The following ZNRF2 variants were observed in gnomAD, a reference collection of about 807,000 sequenced individuals.
ZNRF2 encodes the protein E3 ubiquitin-protein ligase ZNRF2.
A neutral mutation model predicts 20.4 loss-of-function variants in ZNRF2; 16 were observed. The observed-to-expected ratio is 0.79, with a 90% confidence interval of 0.53 to 1.19. ZNRF2 has a LOEUF of 1.19. ZNRF2 is among the 50% of genes most tolerant of loss of function. The pLI is 0.00. For missense variants in ZNRF2, 363 were observed against 332.4 expected, an observed-to-expected ratio of 1.09 and a Z score of -0.72; for synonymous variants, 178 against 144.9, an observed-to-expected ratio of 1.23 and a Z score of -1.64.
chr7:30,330,957 A>G (rs1430027477), intron 2 of ZNRF2, among the ~76,000 whole-genome samples: 1 of 152,144 alleles, frequency 6.6e-6, no homozygotes, highest in Non-Finnish European at 1.5e-5. Flanking sequence ...GTGGATCCCT[A>G]ATTGTAGTCT....
intron 3 of ZNRF2, 129 bp from the exon 4 acceptor site, chr7:30,362,248 C>CA: frequency 1.9e-6 from 1 of 539,884 alleles, no homozygotes; most frequent in South Asian, 4.6e-5. Context: ...TTATGTATGC[C>CA]AAATATAATT....
At chr7:30,302,104 C>T (rs1219862227) in intron 1 of ZNRF2, among the ~76,000 whole-genome samples, 1 of 152,206 alleles carries the variant, frequency 6.6e-6, no homozygotes, top group African/African-American at 2.4e-5. Flanking sequence ...CTTTGACATT[C>T]CTGCTTTTGC....
chr7:30,339,103 T>G (rs1218795620), intron 2 of ZNRF2, among the ~76,000 whole-genome samples: 3 of 152,106 alleles, frequency 2.0e-5, no homozygotes, highest in African/African-American at 7.2e-5. Context: ...TCCTTTGCCC[T>G]CTTTTTGATG....
intron 1 of ZNRF2, among the ~76,000 whole-genome samples, chr7:30,291,014 CACTT>C (rs773492572): frequency 1.1e-4 from 16 of 152,146 alleles, no homozygotes; most frequent in Non-Finnish European, 1.8e-4. Flanking sequence ...GTTAACAAAA[CACTT>C]AGTGAAGTAT....
At chr7:30,345,720 T>C (rs759348909) in intron 2 of ZNRF2, among the ~76,000 whole-genome samples, 1 of 152,274 alleles carries the variant, frequency 6.6e-6, no homozygotes, top group Non-Finnish European at 1.5e-5. Context: ...TGAGGGATTG[T>C]CTCTGAGTTC....
intron 2 of ZNRF2, among the ~76,000 whole-genome samples, chr7:30,341,536 G>C (rs940718120): frequency 4.6e-5 from 7 of 152,150 alleles, no homozygotes; most frequent in African/African-American, 2.4e-5. Flanking sequence ...TTTCCATGTA[G>C]TTGTGCTTAA....
At chr7:30,294,980 A>AGAGG (rs1335570802) in intron 1 of ZNRF2, among the ~76,000 whole-genome samples, 1 of 148,602 alleles carries the variant, frequency 6.7e-6, no homozygotes, top group African/African-American at 2.5e-5. Flanking sequence ...ATTTAGAGAG[A>AGAGG]GAGGGAGGGG....
intron 2 of ZNRF2, among the ~76,000 whole-genome samples, chr7:30,328,560 T>C (rs1799587405): frequency 6.6e-6 from 1 of 152,232 alleles, no homozygotes; most frequent in South Asian, 2.1e-4. Flanking sequence ...GATATATTTA[T>C]ATAGATAAGC....
Position 30,289,669 on chromosome 7 carries a change from T to C in ZNRF2, c.469+3843T>C, listed in dbSNP as rs1239619461. On this transcript the variant is annotated intron_variant, in intron 1 of 4. Transcript: ENST00000323037. Reference sequence around the variant, plus strand: ...TTTTGCTGTGTGTAAGTGTGGCCTGTGTCATGGAAGTTTCTGCTTTGGGAA... The same window carrying C: ...TTTTGCTGTGTGTAAGTGTGGCCTGCGTCATGGAAGTTTCTGCTTTGGGAA... 3 of 435,514 alleles carry C rather than the reference T, an allele frequency of 6.9e-6. No individual in the cohort carries two copies. The Admixed American group carries it at 8.6e-5, about 12-fold the overall frequency. The allele number at this position is 435,514 out of a possible 1,614,324, so 27.0% of individuals were successfully genotyped here.
chr7:30,357,380 T>G (rs1800057511), intron 3 of ZNRF2, among the ~76,000 whole-genome samples: 2 of 152,158 alleles, frequency 1.3e-5, no homozygotes, highest in African/African-American at 4.8e-5. Flanking sequence ...TTTGAGTAAC[T>G]TGTGGATCAA....
intron 2 of ZNRF2, among the ~76,000 whole-genome samples, chr7:30,332,257 CAGA>C (rs1474320267): frequency 2.6e-5 from 4 of 152,126 alleles, no homozygotes; most frequent in African/African-American, 4.8e-5. Flanking sequence ...TAGTTCTTCA[CAGA>C]AGAACTTCAC....
At chr7:30,332,079 C>A (rs1799643338) in intron 2 of ZNRF2, among the ~76,000 whole-genome samples, 1 of 152,144 alleles carries the variant, frequency 6.6e-6, no homozygotes, top group Non-Finnish European at 1.5e-5. Flanking sequence ...CAAAGTATAG[C>A]AGTACTTTGT....
At chr7:30,302,008 C>G (rs1048049220) in intron 1 of ZNRF2, among the ~76,000 whole-genome samples, 1 of 152,160 alleles carries the variant, frequency 6.6e-6, no homozygotes, top group Non-Finnish European at 1.5e-5. Flanking sequence ...TTTTCGGAAT[C>G]AGAAACTCTA....
At chr7:30,301,433 A>G (rs1421254656) in intron 1 of ZNRF2, among the ~76,000 whole-genome samples, 1 of 152,170 alleles carries the variant, frequency 6.6e-6, no homozygotes, top group Admixed American at 6.5e-5. Flanking sequence ...CAGTGAGCCA[A>G]GATCACGCCA....
intron 1 of ZNRF2, among the ~76,000 whole-genome samples, chr7:30,315,274 C>T (rs1405913642): frequency 6.6e-6 from 1 of 152,046 alleles, no homozygotes; most frequent in African/African-American, 2.4e-5. Flanking sequence ...ACTATTCACA[C>T]GAAATAATCC....
intron 1 of ZNRF2, among the ~76,000 whole-genome samples, chr7:30,298,400 G>T (rs1373535826): frequency 1.3e-5 from 2 of 152,130 alleles, no homozygotes; most frequent in African/African-American, 4.8e-5. Flanking sequence ...TTTAAAGTGG[G>T]GGGCACTAAA....
At chr7:30,307,237 A>G (rs1053202470) in intron 1 of ZNRF2, among the ~76,000 whole-genome samples, 1 of 150,934 alleles carries the variant, frequency 6.6e-6, no homozygotes, top group Non-Finnish European at 1.5e-5. Flanking sequence ...ATGCTGTGTC[A>G]AATGGCATCC....
chr7:30,344,158 G>T (rs1358328545), intron 2 of ZNRF2, among the ~76,000 whole-genome samples: 1 of 151,574 alleles, frequency 6.6e-6, no homozygotes, highest in African/African-American at 2.4e-5. Context: ...CTGACCTCAG[G>T]TGATCTGCCT....
In ZNRF2 at chr7:30,285,787, G is replaced by C. The variant is rs1194975102; in HGVS notation, c.430G>C (p.Gly144Arg). Reference sequence around the variant, plus strand: ...CCCCGGCGGGCCGCGCCTGGTGATCGGCTCCTTACCAGCTCACCTCTCGCC... The same window carrying C: ...CCCCGGCGGGCCGCGCCTGGTGATCCGCTCCTTACCAGCTCACCTCTCGCC... ...GSPGGPRLVI[G>R]SLPAHLSPHM... The change falls in exon 1 of 5, where the codon GGC becomes CGC. Residue 144 changes from glycine to arginine, a missense_variant. Physicochemically the swap from Gly to Arg is moderately radical, Grantham distance 125. Coordinates refer to ENST00000323037, the MANE Select transcript of ZNRF2 (RefSeq NM_147128.4). 4.6e-6 allele frequency: 7 copies of C among 1,516,878 alleles called. No homozygotes were observed. The highest frequency in any genetic ancestry group is 6.1e-6 in the Non-Finnish European group (7 of 1,141,564). 94.0% of individuals were successfully genotyped at this position (1,516,878 alleles called of 1,614,324 possible).
Sources: allele counts gnomAD v4.1 joint callset (sites outside exome capture counted in the v4.1 genomes callset), GRCh38; gene constraint gnomAD v4.1.1; transcripts MANE v1.5; gene names NCBI Gene and HGNC (gene_info 2026-07-23, HGNC 2026-07-21).